TTC7B: variants seen among roughly 807,000 people sequenced by gnomAD.
TTC7B encodes the protein tetratricopeptide repeat protein 7B.
In TTC7B, 28 loss-of-function variants were observed where a neutral mutation model predicts 106.8. The observed-to-expected ratio is 0.26, with a 90% confidence interval of 0.19 to 0.36. The LOEUF is 0.36. Ranked by LOEUF, TTC7B falls within the 10% of genes least tolerant of loss-of-function variation. The pLI is 1.00. For missense variants in TTC7B, 862 were observed against 1,076.4 expected (o/e 0.80, Z 2.79); for synonymous variants, 405 against 430.6 (o/e 0.94, Z 0.74).
chr14:90,563,977 A>G (rs1890688899), intron 19 of TTC7B, among the ~76,000 whole-genome samples: 1 of 151,646 alleles, frequency 6.6e-6, no homozygotes, highest in African/African-American at 2.4e-5. Flanking sequence ...GACCCCCTCA[A>G]AGTCATCCAT....
At chr14:90,751,250 C>T (rs1250864799) in intron 3 of TTC7B, among the ~76,000 whole-genome samples, 1 of 152,170 alleles carries the variant, frequency 6.6e-6, no homozygotes, top group Non-Finnish European at 1.5e-5. Flanking sequence ...AGCTGTAAAG[C>T]ATGAGTGCTA....
intron 1 of TTC7B, among the ~76,000 whole-genome samples, chr14:90,793,904 G>A (rs574991144): frequency 7.2e-4 from 108 of 149,756 alleles, no homozygotes; most frequent in African/African-American, 2.2e-3. Context: ...CACCGCGCCC[G>A]GCCTTGTTTG....
chr14:90,781,232 C>T (rs796522688), intron 2 of TTC7B, among the ~76,000 whole-genome samples: 2 of 152,250 alleles, frequency 1.3e-5, no homozygotes, highest in African/African-American at 4.8e-5. Flanking sequence ...TATGCTTCCA[C>T]GTGTATGAAA....
intron 8 of TTC7B, among the ~76,000 whole-genome samples, chr14:90,678,194 C>T (rs1886915761): frequency 6.6e-6 from 1 of 152,084 alleles, no homozygotes; most frequent in African/African-American, 2.4e-5. Context: ...TCAAACAGAC[C>T]CACAAATAAT....
At chr14:90,610,557 C>T (rs926444825) in intron 17 of TTC7B, among the ~76,000 whole-genome samples, 185 bp downstream of exon 17, 3 of 152,124 alleles carry the variant, frequency 2.0e-5, no homozygotes, top group Non-Finnish European at 2.9e-5. Context: ...ATCATATGAC[C>T]GTCCCCACTG....
At chr14:90,550,535 C>G (rs912973882) in intron 19 of TTC7B, among the ~76,000 whole-genome samples, 1 of 152,212 alleles carries the variant, frequency 6.6e-6, no homozygotes, top group African/African-American at 2.4e-5. Context: ...CTGCCTGAGG[C>G]TACATTTCCC....
chr14:90,795,219 A>G (rs1480206601), intron 1 of TTC7B, among the ~76,000 whole-genome samples: 4 of 151,702 alleles, frequency 2.6e-5, no homozygotes, highest in Non-Finnish European at 5.9e-5. Context: ...GACTACCACA[A>G]AAACAAGACA....
intron 12 of TTC7B, among the ~76,000 whole-genome samples, chr14:90,653,670 A>G (rs1368584875): frequency 6.6e-6 from 1 of 152,212 alleles, no homozygotes; most frequent in Non-Finnish European, 1.5e-5. Flanking sequence ...AACGCCTCCA[A>G]CATGGCACCT....
intron 17 of TTC7B, among the ~76,000 whole-genome samples, chr14:90,610,261 C>G (rs1179011700): frequency 6.6e-6 from 1 of 152,248 alleles, no homozygotes. Context: ...ACGAGGTGTG[C>G]AGATTTGCTC....
At chr14:90,550,676 G>A (rs75731247) in intron 19 of TTC7B, among the ~76,000 whole-genome samples, 2,943 of 152,220 alleles carry the variant, frequency 0.019, 39 homozygotes, top group Non-Finnish European at 0.028. Flanking sequence ...GGGCCCTTCC[G>A]TGATGCCAGT....
rs1889604338 is a variant in TTC7B, at chr14:90,737,851, C to A, written c.576+6941G>T. Among the ~76,000 whole-genome samples, 3 of 152,094 alleles carry A rather than the reference C, an allele frequency of 2.0e-5. No individual in the cohort carries two copies. The South Asian group carries it at 6.2e-4, about 32-fold the overall frequency. ...GGATTATAGGCGTGAGCCACTGCAC[C>A]CAATGTATGATTCTATTTCTATGAA... On this transcript the variant is annotated intron_variant, in intron 4 of 19. Coordinates refer to ENST00000328459, the MANE Select transcript of TTC7B (RefSeq NM_001010854.2).
intron 9 of TTC7B, among the ~76,000 whole-genome samples, chr14:90,661,710 T>A (rs1886215202): frequency 1.3e-5 from 2 of 152,190 alleles, no homozygotes; most frequent in African/African-American, 4.8e-5. Context: ...ATATACTTAG[T>A]AAGTACTTAA....
intron 3 of TTC7B, among the ~76,000 whole-genome samples, chr14:90,763,995 G>A (rs1042704408): frequency 6.6e-6 from 1 of 152,052 alleles, no homozygotes; most frequent in Admixed American, 6.6e-5. Flanking sequence ...TATATGAAAT[G>A]TAAGCCAAAA....
At chr14:90,714,336 A>G (rs879931412) in intron 5 of TTC7B, among the ~76,000 whole-genome samples, 3 of 152,238 alleles carry the variant, frequency 2.0e-5, no homozygotes, top group Non-Finnish European at 4.4e-5. Context: ...CCACAGAGCA[A>G]ATAAGTGGTT....
intron 15 of TTC7B, among the ~76,000 whole-genome samples, chr14:90,621,508 G>C (rs147763167): frequency 2.8e-3 from 430 of 151,422 alleles, no homozygotes; most frequent in African/African-American, 9.9e-3. Flanking sequence ...GAAGCCACGT[G>C]GGTACGGCTG....
intron 19 of TTC7B, among the ~76,000 whole-genome samples, chr14:90,544,701 G>A (rs1310766806): frequency 6.6e-6 from 1 of 152,182 alleles, no homozygotes; most frequent in Non-Finnish European, 1.5e-5. Flanking sequence ...ACGTAACTAT[G>A]AGGGAAGGGA....
intron 5 of TTC7B, 62 bp downstream of exon 5, chr14:90,730,013 A>C: frequency 1.3e-6 from 2 of 1,518,432 alleles, no homozygotes; most frequent in Non-Finnish European, 1.8e-6. Flanking sequence ...TGGAGACAGC[A>C]TTGTAAGGCT....
chr14:90,631,182 A>G (rs146477828), intron 15 of TTC7B, among the ~76,000 whole-genome samples: 1 of 152,044 alleles, frequency 6.6e-6, no homozygotes, highest in East Asian at 1.9e-4. Flanking sequence ...ATATGTGTAA[A>G]CCTCATTTTG....
At chr14:90,689,036 T>C (rs2139937940) in intron 7 of TTC7B, among the ~76,000 whole-genome samples, 1 of 152,196 alleles carries the variant, frequency 6.6e-6, no homozygotes, top group African/African-American at 2.4e-5. Flanking sequence ...ATTTAAAACT[T>C]AAAAAAGATA....
Sources: gnomAD v4.1 joint callset for allele counts (sites outside exome capture counted in the v4.1 genomes callset) on GRCh38, gnomAD v4.1.1 for gene constraint, MANE v1.5 for transcripts, NCBI Gene and HGNC (gene_info 2026-07-23, HGNC 2026-07-21) for gene names.